The following PPARGC1B variants were observed in gnomAD, a reference collection of about 807,000 sequenced individuals.
PPARGC1B encodes peroxisome proliferator-activated receptor gamma coactivator 1-beta.
Under a neutral mutation model 101.6 loss-of-function variants are expected in PPARGC1B, and 34 were observed. The observed-to-expected ratio is 0.33, with a 90% CI of 0.25 to 0.45. The LOEUF (loss-of-function observed/expected upper bound fraction) is 0.45, where lower values mean the gene tolerates loss of function less well. Ranked by LOEUF, PPARGC1B falls within the 20% of genes least tolerant of loss-of-function variation. The pLI, the probability that PPARGC1B is intolerant of heterozygous loss-of-function variation, is 1.00. For synonymous variants in PPARGC1B, 548 were observed against 539.3 expected (o/e 1.02, Z -0.22); for missense variants, 1,234 against 1,317.6 (o/e 0.94, Z 0.98).
At chr5:149,748,097 G>A (rs1030478295) in intron 1 of PPARGC1B, among the ~76,000 whole-genome samples, 2 of 152,088 alleles carry the variant, frequency 1.3e-5, no homozygotes, top group African/African-American at 4.8e-5. Context: ...CCAGAGGAGG[G>A]GCAGTACCAG....
intron 3 of PPARGC1B, among the ~76,000 whole-genome samples, chr5:149,828,153 T>C (rs1377254318): frequency 6.6e-6 from 1 of 152,206 alleles, no homozygotes; most frequent in Non-Finnish European, 1.5e-5. Flanking sequence ...TCTAGGACCC[T>C]TTCCCTTCCT....
In PPARGC1B at chr5:149,847,226, C is replaced by G. The variant is rs548919164; in HGVS notation, c.2972-232C>G. 11 of 658,956 alleles carry G rather than the reference C, an allele frequency of 1.7e-5. No individual in the cohort carries two copies. The South Asian group carries it at 1.8e-4, about 11-fold the overall frequency. 40.8% of individuals were successfully genotyped at this position (658,956 alleles called of 1,614,324 possible). A position where few individuals can be genotyped will look rare whatever the true frequency, so the allele number is the denominator to read the frequency against. On this transcript the variant is annotated intron_variant, in intron 11 of 11. Coordinates refer to ENST00000309241, the MANE Select transcript of PPARGC1B (RefSeq NM_133263.4). Reference sequence around the variant, plus strand: ...CTCTGGAGTGCTCTAGTTTGGGCCTCCAGGTCTCTAGATAGGACAGCCAAG... The same window carrying G: ...CTCTGGAGTGCTCTAGTTTGGGCCTGCAGGTCTCTAGATAGGACAGCCAAG...
chr5:149,767,305 T>A (rs745854364), intron 1 of PPARGC1B, among the ~76,000 whole-genome samples: 6 of 152,164 alleles, frequency 3.9e-5, no homozygotes, highest in Non-Finnish European at 7.3e-5. Flanking sequence ...CCCCGCTCTA[T>A]GAGATATGGT....
At chr5:149,813,978 T>C (rs1301888772) in intron 1 of PPARGC1B, among the ~76,000 whole-genome samples, 2 of 152,198 alleles carry the variant, frequency 1.3e-5, no homozygotes, top group South Asian at 2.1e-4. Flanking sequence ...AGGCCTCGCC[T>C]CCTCATGGCC....
intron 1 of PPARGC1B, among the ~76,000 whole-genome samples, chr5:149,805,409 G>A (rs1462859363): frequency 6.6e-6 from 1 of 152,168 alleles, no homozygotes; most frequent in Non-Finnish European, 1.5e-5. Flanking sequence ...CTTCTAATGT[G>A]TAAGAAAGAA....
intron 1 of PPARGC1B, among the ~76,000 whole-genome samples, chr5:149,738,175 T>C (rs1169525235): frequency 6.6e-6 from 1 of 152,182 alleles, no homozygotes; most frequent in Non-Finnish European, 1.5e-5. Context: ...AGAATTTTCG[T>C]TTATTTCATC....
chr5:149,801,321 G>T (rs1757422410), intron 1 of PPARGC1B, among the ~76,000 whole-genome samples: 2 of 152,184 alleles, frequency 1.3e-5, no homozygotes, highest in South Asian at 4.1e-4. Flanking sequence ...GTGCAGAAAG[G>T]CTCCTTATAT....
intron 1 of PPARGC1B, among the ~76,000 whole-genome samples, chr5:149,737,109 C>T (rs1257945566): frequency 2.6e-5 from 4 of 152,130 alleles, no homozygotes; most frequent in Non-Finnish European, 4.4e-5. Flanking sequence ...ATCTTTTTAC[C>T]GTTTGTACAG....
At chr5:149,815,655 C>A (rs1355596787) in intron 1 of PPARGC1B, among the ~76,000 whole-genome samples, 1 of 152,184 alleles carries the variant, frequency 6.6e-6, no homozygotes. Flanking sequence ...TCTTTGCCAT[C>A]CATGCCTCAG....
intron 1 of PPARGC1B, among the ~76,000 whole-genome samples, chr5:149,754,432 ACT>A (rs1276576384): frequency 2.6e-5 from 4 of 152,176 alleles, no homozygotes; most frequent in African/African-American, 9.7e-5. Context: ...TCTCTGAGTC[ACT>A]GTTTTCTGCT....
chr5:149,796,232 G>A (rs1561549311), intron 1 of PPARGC1B, among the ~76,000 whole-genome samples: 1 of 152,176 alleles, frequency 6.6e-6, no homozygotes, highest in Non-Finnish European at 1.5e-5. Context: ...GGGGGGGCCT[G>A]TTGGAGGAGG....
Position 149,842,345 on chromosome 5 carries a change from T to G in PPARGC1B, c.2784T>G (p.Ile928Met). The stretch of plus-strand genomic sequence containing the variant: ...GGCGCTTTGAAGTGTTTGGTGAGAT[T>G]GAGGAGTGCGAGGTGCTGACAAGAA... Reference protein sequence around the residue: ...LKRRFEVFGEIEECEVLTRNR... With the variant: ...LKRRFEVFGEMEECEVLTRNR... The change falls in exon 10 of 12, where the codon ATT becomes ATG. Residue 928 changes from isoleucine (I) to methionine (M), a missense_variant. By Grantham distance (10) the Ile-to-Met change is conservative. Coordinates refer to ENST00000309241, the MANE Select transcript of PPARGC1B (RefSeq NM_133263.4). 2 of 1,613,958 alleles carry G rather than the reference T, an allele frequency of 1.2e-6. No individual in the cohort carries two copies. The highest frequency in any genetic ancestry group is 1.7e-6 in the Non-Finnish European group (2 of 1,179,978).
intron 10 of PPARGC1B, among the ~76,000 whole-genome samples, chr5:149,844,672 G>C (rs1759485815): frequency 6.6e-6 from 1 of 152,272 alleles, no homozygotes; most frequent in East Asian, 1.9e-4. Context: ...GAGGCAGAAG[G>C]GTTCAAACTT....
chr5:149,816,950 A>G (rs251462), intron 1 of PPARGC1B, among the ~76,000 whole-genome samples: 25,990 of 152,142 alleles, frequency 0.17, 2,559 homozygotes, highest in African/African-American at 0.25. Context: ...CACTTGGGGT[A>G]AAACCCAAAT....
Position 149,848,945 on chromosome 5 carries a change from A to C in PPARGC1B, c.*1387A>C, listed in dbSNP as rs939229244. ...AACACTCCAATTGGGCTTTGCTTTA[A>C]ACTTTGTGTTCTTAAGTGATGTCAA... On this transcript the variant is annotated 3_prime_UTR_variant, in exon 12 of 12. Transcript: ENST00000309241. 2 of 152,178 alleles carry C rather than the reference A, an allele frequency of 1.3e-5. No homozygotes were observed. The highest frequency in any genetic ancestry group is 2.9e-5 in the Non-Finnish European group (2 of 68,032). 9.4% of individuals were successfully genotyped at this position (152,178 alleles called of 1,614,324 possible).
intron 1 of PPARGC1B, among the ~76,000 whole-genome samples, chr5:149,796,058 C>T (rs370125435): frequency 1.3e-5 from 2 of 152,212 alleles, no homozygotes; most frequent in African/African-American, 4.8e-5. Flanking sequence ...GAGAGGCTTC[C>T]GTTCTGGTGG....
intron 1 of PPARGC1B, among the ~76,000 whole-genome samples, chr5:149,801,836 A>G (rs1156266687): frequency 6.6e-6 from 1 of 152,108 alleles, no homozygotes; most frequent in Admixed American, 6.5e-5. Context: ...AGGCCCAGCA[A>G]CCCAGAGAGG....
chr5:149,825,017 A>G (rs1360369587), intron 2 of PPARGC1B, among the ~76,000 whole-genome samples: 2 of 152,260 alleles, frequency 1.3e-5, no homozygotes, highest in Admixed American at 6.5e-5. Context: ...CAGAAAGGAT[A>G]AACAGCCTGA....
intron 1 of PPARGC1B, among the ~76,000 whole-genome samples, chr5:149,793,852 C>T (rs1162569900): frequency 6.6e-6 from 1 of 152,202 alleles, no homozygotes; most frequent in Non-Finnish European, 1.5e-5. Flanking sequence ...CTGAAGATCC[C>T]AGTTCTCTGG....
Sources: allele counts gnomAD v4.1 joint callset (sites outside exome capture counted in the v4.1 genomes callset), GRCh38; gene constraint gnomAD v4.1.1; transcripts MANE v1.5; gene names NCBI Gene and HGNC (gene_info 2026-07-23, HGNC 2026-07-21).